The following WWOX variants were observed in gnomAD, a reference collection of about 807,000 sequenced individuals.
The protein encoded by WWOX is WW domain containing oxidoreductase.
In WWOX, 69 loss-of-function variants were observed where a neutral mutation model predicts 46.2. The observed-to-expected ratio is 1.49, with a 90% CI of 1.23 to 1.82. WWOX has a LOEUF of 1.82. Among genes scored for constraint, WWOX ranks in the 40% most tolerant of loss-of-function variants. WWOX has a pLI of 0.00. For synonymous variants in WWOX, 359 were observed against 202.6 expected (o/e 1.77, Z -6.56); for missense variants, 919 against 542.6 (o/e 1.69, Z -6.89).
At chr16:78,950,319 G>T (rs576380107) in intron 8 of WWOX, among the ~76,000 whole-genome samples, 1 of 152,190 alleles carries the variant, frequency 6.6e-6, no homozygotes, top group East Asian at 1.9e-4. Context: ...TTATTTCCTT[G>T]AGGAGAAAGG....
At chr16:78,469,069 G>A (rs1042943930) in intron 8 of WWOX, among the ~76,000 whole-genome samples, 1 of 152,140 alleles carries the variant, frequency 6.6e-6, no homozygotes, top group African/African-American at 2.4e-5. Flanking sequence ...GTTCAGTTTT[G>A]CTGGCCTTAC....
chr16:78,971,469 A>AG (rs1423562486), intron 8 of WWOX, among the ~76,000 whole-genome samples: 1 of 121,924 alleles, frequency 8.2e-6, no homozygotes, highest in African/African-American at 3.0e-5. Flanking sequence ...AAAAAAAAAA[A>AG]AAAAAGAGAG....
chr16:78,458,026 A>G (rs1242891487), intron 8 of WWOX, among the ~76,000 whole-genome samples: 2 of 151,260 alleles, frequency 1.3e-5, no homozygotes, highest in Admixed American at 6.6e-5. Flanking sequence ...GCAGTGAGCC[A>G]AGATGGTGCC....
At chr16:78,788,257 T>A (rs143933008) in intron 8 of WWOX, among the ~76,000 whole-genome samples, 1 of 152,366 alleles carries the variant, frequency 6.6e-6, no homozygotes, top group African/African-American at 2.4e-5. Context: ...TGTGGTGTTA[T>A]GATATATATA....
At chr16:78,226,497 C>T (rs2037062670) in intron 5 of WWOX, among the ~76,000 whole-genome samples, 3 of 140,910 alleles carry the variant, frequency 2.1e-5, no homozygotes, top group Admixed American at 1.4e-4. Context: ...TCCCTCCCTC[C>T]CTCCCTCCCT....
chr16:78,582,368 G>C (rs1000552183), intron 8 of WWOX, among the ~76,000 whole-genome samples: 4 of 152,130 alleles, frequency 2.6e-5, no homozygotes, highest in African/African-American at 9.7e-5. Flanking sequence ...ACAAGAATGT[G>C]GCTTCAATGA....
chr16:78,156,963 G>C (rs570474008), intron 4 of WWOX, among the ~76,000 whole-genome samples: 1 of 152,208 alleles, frequency 6.6e-6, no homozygotes, highest in African/African-American at 2.4e-5. Context: ...TCAAGTTCTG[G>C]AACCTGCCTG....
At chr16:78,919,435 A>G (rs1216906522) in intron 8 of WWOX, among the ~76,000 whole-genome samples, 2 of 151,956 alleles carry the variant, frequency 1.3e-5, no homozygotes, top group East Asian at 1.9e-4. Flanking sequence ...TTGGTAGATC[A>G]TCACTTAGAA....
In WWOX at chr16:78,327,422, C is replaced by T. The variant is rs1232127632; in HGVS notation, c.517-59438C>T. 4.6e-5 allele frequency among the ~76,000 whole-genome samples: 7 copies of T among 152,210 alleles called. No homozygotes were observed. The East Asian group carries it at 1.4e-3, about 29-fold the overall frequency. On this transcript the variant is annotated intron_variant, in intron 5 of 8. Coordinates refer to ENST00000566780, the MANE Select transcript of WWOX (RefSeq NM_016373.4). ...CATCTTCACTGGACTCTCCAAGCCC[C>T]AGTACCCTCAGTGTGGAAGGAGAAA...
intron 8 of WWOX, among the ~76,000 whole-genome samples, chr16:78,919,353 A>C (rs538553595): frequency 1.3e-5 from 2 of 151,970 alleles, no homozygotes; most frequent in South Asian, 4.2e-4. Context: ...AGATTCTAGA[A>C]TTTGCATCCA....
intron 5 of WWOX, among the ~76,000 whole-genome samples, chr16:78,296,879 C>T (rs539745573): frequency 9.3e-4 from 141 of 152,286 alleles, no homozygotes; most frequent in African/African-American, 3.4e-3. Flanking sequence ...ATAAGAGTAG[C>T]TGGAGCAGAG....
At chr16:79,016,968 G>A (rs1017342430) in intron 8 of WWOX, 1 of 152,204 alleles carries the variant, frequency 6.6e-6, no homozygotes, top group African/African-American at 2.4e-5. Flanking sequence ...GAGAAGTGCT[G>A]GCATTATGGA....
intron 8 of WWOX, among the ~76,000 whole-genome samples, chr16:78,879,458 C>G (rs1389299298): frequency 6.6e-6 from 1 of 151,998 alleles, no homozygotes; most frequent in Non-Finnish European, 1.5e-5. Context: ...TCTGCTCTCA[C>G]TTCCCCAAAC....
In WWOX at chr16:78,556,353, C is replaced by A. The variant is rs535410367; in HGVS notation, c.1056+123601C>A. ...GCTTGCTGGCTGTCAGGATCTGGTT[C>A]AAGGAAGGCAAAGGGAATTTTATCA... On this transcript the variant is annotated intron_variant, in intron 8 of 8. Transcript: ENST00000566780. Among the ~76,000 whole-genome samples the A allele has an allele frequency of 3.7e-4, 56 of 151,832 alleles. No homozygotes were observed. In the South Asian group the frequency reaches 0.011, roughly 30 times the overall value.
intron 8 of WWOX, among the ~76,000 whole-genome samples, chr16:78,851,576 A>T (rs764264316): frequency 6.6e-6 from 1 of 152,226 alleles, no homozygotes; most frequent in Non-Finnish European, 1.5e-5. Flanking sequence ...TTCCCACTAG[A>T]CGGTGAGGGA....
At chr16:79,030,107 A>T (rs1169750981) in intron 8 of WWOX, among the ~76,000 whole-genome samples, 1 of 152,234 alleles carries the variant, frequency 6.6e-6, no homozygotes, top group Non-Finnish European at 1.5e-5. Context: ...TAAAACTGTT[A>T]CAAATGGAGC....
chr16:78,948,077 A>C lies in WWOX; in HGVS notation c.1057-263531A>C, dbSNP rs2045983412. ...GAAGGCAGCCTGTGCCGTCAGAGAG[A>C]GTTCAACTCCATCCGTGCAGCTGCT... is the stretch of plus-strand genomic sequence containing the variant. On this transcript the variant is annotated intron_variant, in intron 8 of 8. Coordinates refer to ENST00000566780, the MANE Select transcript of WWOX (RefSeq NM_016373.4). 3.9e-5 allele frequency among the ~76,000 whole-genome samples: 6 copies of C among 152,268 alleles called. No individual in the cohort carries two copies. The South Asian group carries it at 1.2e-3, about 32-fold the overall frequency.
intron 8 of WWOX, among the ~76,000 whole-genome samples, chr16:78,437,200 G>A (rs1453604865): frequency 2.0e-5 from 3 of 152,196 alleles, no homozygotes; most frequent in African/African-American, 7.2e-5. Flanking sequence ...GTATTAAACA[G>A]CAGTATTCTA....
At chr16:78,753,800 TCAAAAAAAAAAAAA>T (rs1265606139) in intron 8 of WWOX, among the ~76,000 whole-genome samples, 3 of 18,376 alleles carry the variant, frequency 1.6e-4, no homozygotes, top group Non-Finnish European at 2.5e-4. Flanking sequence ...AGACCCTATA[TCAAAAAAAAAAAAA>T]AAAAAAAAAA....
Sources: gnomAD v4.1 joint callset for allele counts (sites outside exome capture counted in the v4.1 genomes callset) on GRCh38, gnomAD v4.1.1 for gene constraint, MANE v1.5 for transcripts, NCBI Gene and HGNC (gene_info 2026-07-23, HGNC 2026-07-21) for gene names.